The following ANO3 variants were observed in gnomAD, a reference collection of about 807,000 sequenced individuals.
ANO3 encodes the protein anoctamin-3.
Under a neutral mutation model 144.8 loss-of-function variants are expected in ANO3, and 99 were observed. The observed-to-expected ratio is 0.68, with a 90% CI of 0.58 to 0.81. ANO3 has a LOEUF of 0.81. ANO3 is among the 30% of genes least tolerant of loss of function. The pLI is 0.00. For missense variants in ANO3, 905 were observed against 1,202.2 expected (o/e 0.75, Z 3.66); for synonymous variants, 414 against 392.6 (o/e 1.05, Z -0.64).
intron 1 of ANO3, among the ~76,000 whole-genome samples, chr11:26,271,325 C>T (rs1245115869): frequency 1.3e-5 from 2 of 152,192 alleles, no homozygotes; most frequent in South Asian, 2.1e-4. Flanking sequence ...GGGAGGTAAA[C>T]TTGCCCCTGC....
intron 1 of ANO3, among the ~76,000 whole-genome samples, chr11:26,393,442 G>T (rs1454536589): frequency 6.6e-6 from 1 of 152,084 alleles, no homozygotes; most frequent in African/African-American, 2.4e-5. Flanking sequence ...AGAGGGGAAA[G>T]AAATGAATAT....
intron 4 of ANO3, among the ~76,000 whole-genome samples, chr11:26,465,806 C>T (rs1436419993): frequency 1.3e-5 from 2 of 151,890 alleles, no homozygotes; most frequent in Admixed American, 6.6e-5. Flanking sequence ...ATTGTGCAAA[C>T]ATTTTCTGAG....
intron 1 of ANO3, among the ~76,000 whole-genome samples, chr11:26,429,965 C>T (rs1456318371): frequency 3.9e-5 from 6 of 152,028 alleles, no homozygotes; most frequent in South Asian, 2.1e-4. Flanking sequence ...TGGCCAGGCA[C>T]GGGGGCTCAC....
chr11:26,234,321 A>G (rs950021508), intron 1 of ANO3, among the ~76,000 whole-genome samples: 1 of 152,152 alleles, frequency 6.6e-6, no homozygotes, highest in Non-Finnish European at 1.5e-5. Context: ...TGTGGTACCC[A>G]TATTGCTTTT....
At chr11:26,488,672 A>C (rs375682220) in intron 4 of ANO3, among the ~76,000 whole-genome samples, 2 of 152,056 alleles carry the variant, frequency 1.3e-5, no homozygotes, top group African/African-American at 4.8e-5. Context: ...CAGTGGGTTC[A>C]TGGTCTCACT....
Position 26,534,477 on chromosome 11 carries a change from C to A in ANO3, c.891C>A (p.Asp297Glu). The change falls in exon 9 of 27, where the codon GAC (aspartate) becomes GAA (glutamate). Residue 297 changes from aspartate to glutamate, a missense_variant. Asp to Glu is a conservative substitution (Grantham distance 45, BLOSUM62 2). Transcript: ENST00000256737. The stretch of plus-strand genomic sequence containing the variant: ...ACAGCTTCATAATAAATAATAAAGA[C>A]ACCTTCTTCAGCAATGCTACTCGAA... ...RIHHFIINNK[D>E]TFFSNATRSR... 2 of 1,612,020 alleles carry A rather than the reference C, an allele frequency of 1.2e-6. No individual in the cohort carries two copies. The highest frequency in any genetic ancestry group is 8.5e-7 in the Non-Finnish European group (1 of 1,178,590).
intron 1 of ANO3, among the ~76,000 whole-genome samples, chr11:26,211,218 C>G (rs150685229): frequency 6.6e-6 from 1 of 152,102 alleles, no homozygotes; most frequent in Non-Finnish European, 1.5e-5. Flanking sequence ...CAAAACTGCA[C>G]GACTACATGG....
chr11:26,569,931 T>C (rs535244497), intron 14 of ANO3, among the ~76,000 whole-genome samples: 2 of 152,034 alleles, frequency 1.3e-5, no homozygotes, highest in South Asian at 2.1e-4. Flanking sequence ...TTTCACCTCC[T>C]GATCTTTGCC....
intron 11 of ANO3, among the ~76,000 whole-genome samples, chr11:26,544,251 CAT>C (rs1554967685): frequency 0.016 from 602 of 38,492 alleles, 58 homozygotes; most frequent in African/African-American, 0.038. Flanking sequence ...TTTCATTATA[CAT>C]ATATATATAT....
At chr11:26,442,956 G>A (rs940355185) in intron 2 of ANO3, among the ~76,000 whole-genome samples, 13 of 152,150 alleles carry the variant, frequency 8.5e-5, no homozygotes, top group African/African-American at 3.1e-4. Context: ...AGTAGAGACT[G>A]GGTTTCATCA....
intron 17 of ANO3, among the ~76,000 whole-genome samples, chr11:26,606,467 A>G (rs1167539656): frequency 6.6e-6 from 1 of 152,180 alleles, no homozygotes; most frequent in African/African-American, 2.4e-5. Flanking sequence ...GCTGAGTTCA[A>G]GTCCTGAATA....
At chr11:26,280,390 T>C (rs10834946) in intron 1 of ANO3, among the ~76,000 whole-genome samples, 13 of 151,896 alleles carry the variant, frequency 8.6e-5, no homozygotes, top group Non-Finnish European at 1.3e-4. Flanking sequence ...GATCACAAGG[T>C]GAGATCCCAC....
intron 14 of ANO3, chr11:26,565,364 G>C: frequency 6.2e-7 from 1 of 1,612,914 alleles, no homozygotes; most frequent in South Asian, 1.1e-5. Context: ...TAACTGTAAT[G>C]GAACTGTTAT....
intron 3 of ANO3, among the ~76,000 whole-genome samples, chr11:26,460,305 C>T (rs973308688): frequency 6.6e-6 from 1 of 150,870 alleles, no homozygotes; most frequent in African/African-American, 2.4e-5. Context: ...GGTATATGTG[C>T]ACGTTTGTTA....
At chr11:26,624,311 C>T in intron 17 of ANO3, 151 bp from the exon 18 acceptor site, 2 of 564,068 alleles carry the variant, frequency 3.5e-6, no homozygotes, top group Non-Finnish European at 3.2e-6. Flanking sequence ...TATATAAAGC[C>T]TTACATACTA....
At chr11:26,350,342 A>G (rs979564328) in intron 1 of ANO3, among the ~76,000 whole-genome samples, 15 of 152,172 alleles carry the variant, frequency 9.9e-5, no homozygotes, top group Admixed American at 6.5e-5. Flanking sequence ...GCTATTCACC[A>G]AGTCTAAAGA....
At chr11:26,292,681 A>G (rs924602035) in intron 1 of ANO3, among the ~76,000 whole-genome samples, 9 of 152,168 alleles carry the variant, frequency 5.9e-5, no homozygotes, top group African/African-American at 2.2e-4. Context: ...CCTCAGCTGC[A>G]GGTCTGTTGG....
At chr11:26,546,938 T>C (rs1457152193) in intron 11 of ANO3, among the ~76,000 whole-genome samples, 1 of 151,824 alleles carries the variant, frequency 6.6e-6, no homozygotes, top group East Asian at 1.9e-4. Context: ...TTGAGCTTTG[T>C]TGAGGAAGAT....
At chr11:26,492,060 C>T (rs1259912395) in intron 4 of ANO3, among the ~76,000 whole-genome samples, 1 of 152,160 alleles carries the variant, frequency 6.6e-6, no homozygotes, top group Non-Finnish European at 1.5e-5. Flanking sequence ...AAGTCTCTCA[C>T]TCCAATGTGG....
Sources: gnomAD v4.1 joint callset for allele counts (sites outside exome capture counted in the v4.1 genomes callset) on GRCh38, gnomAD v4.1.1 for gene constraint, MANE v1.5 for transcripts, NCBI Gene and HGNC (gene_info 2026-07-23, HGNC 2026-07-21) for gene names.